NCALD: variants seen among roughly 807,000 people sequenced by gnomAD.
The protein encoded by NCALD is neurocalcin delta.
In NCALD, 10 loss-of-function variants were observed where a neutral mutation model predicts 18.6. That is an observed-to-expected ratio of 0.54 (90% CI 0.33 to 0.91). NCALD has a LOEUF of 0.91. Ranked by LOEUF, NCALD falls within the 40% of genes least tolerant of loss-of-function variation. The pLI is 0.03. For missense variants in NCALD, 184 were observed against 247.6 expected, an observed-to-expected ratio of 0.74 and a Z score of 1.72; for synonymous variants, 88 against 87.4, an observed-to-expected ratio of 1.01 and a Z score of -0.04.
chr8:101,805,297 C>T (rs1223595420), intron 4 of NCALD, among the ~76,000 whole-genome samples: 2 of 152,148 alleles, frequency 1.3e-5, no homozygotes, highest in Admixed American at 6.5e-5. Context: ...GTCTGGCCTC[C>T]TTTTCCCATT....
At chr8:101,932,031 G>T (rs1293550783) in intron 2 of NCALD, among the ~76,000 whole-genome samples, 1 of 152,150 alleles carries the variant, frequency 6.6e-6, no homozygotes, top group African/African-American at 2.4e-5. Context: ...TTAGAGAAGG[G>T]ATTCTTCTGT....
At chr8:102,108,386 G>T (rs1825540423) in intron 1 of NCALD, among the ~76,000 whole-genome samples, 1 of 152,154 alleles carries the variant, frequency 6.6e-6, no homozygotes, top group Non-Finnish European at 1.5e-5. Context: ...TAGAAACAGA[G>T]GACACTGACA....
At chr8:102,100,052 T>C (rs1825227990) in intron 1 of NCALD, among the ~76,000 whole-genome samples, 1 of 150,872 alleles carries the variant, frequency 6.6e-6, no homozygotes, top group South Asian at 2.1e-4. Context: ...AAAAACTTTG[T>C]TTTGTCCTTT....
intron 1 of NCALD, among the ~76,000 whole-genome samples, chr8:102,078,057 C>T (rs1170619027): frequency 6.6e-6 from 1 of 152,152 alleles, no homozygotes; most frequent in African/African-American, 2.4e-5. Flanking sequence ...GTGTCCAAAA[C>T]ATGAATTTAT....
Position 102,062,969 on chromosome 8 carries a change from A to C in NCALD, c.-209-42680T>G, listed in dbSNP as rs181088959. Among the ~76,000 whole-genome samples the C allele has an allele frequency of 2.4e-3, 357 of 151,870 alleles. 1 individual carries two copies. Among genetic ancestry groups the C allele is most frequent in the Non-Finnish European group, 3.3e-3 (227 of 67,914 alleles). On this transcript the variant is annotated intron_variant, in intron 1 of 6. Transcript: ENST00000311028. ...TGAATAAGGTACTTTCCTTTTAAAG[A>C]AAAAAAAATCCTCAAGGACCTCCAG...
At chr8:101,805,910 T>C (rs1813084053) in intron 4 of NCALD, among the ~76,000 whole-genome samples, 1 of 152,206 alleles carries the variant, frequency 6.6e-6, no homozygotes, top group Admixed American at 6.5e-5. Context: ...TGGATCAGAC[T>C]TAAATAATTT....
chr8:101,818,269 T>C (rs1486839335), intron 4 of NCALD, among the ~76,000 whole-genome samples: 1 of 152,186 alleles, frequency 6.6e-6, no homozygotes, highest in Non-Finnish European at 1.5e-5. Context: ...GTTACAGTAA[T>C]AATATTTAGG....
intron 2 of NCALD, among the ~76,000 whole-genome samples, chr8:101,715,147 C>G (rs1816015363): frequency 6.6e-6 from 1 of 152,092 alleles, no homozygotes; most frequent in Admixed American, 6.5e-5. Flanking sequence ...ACCAATGGAA[C>G]AGAACAGAGG....
At chr8:101,963,776 A>G (rs718262) in intron 2 of NCALD, among the ~76,000 whole-genome samples, 80,314 of 151,912 alleles carry the variant, frequency 0.53, 21,402 homozygotes, top group South Asian at 0.6. Flanking sequence ...CATCACAAAC[A>G]CAGCCTATCA....
In NCALD at chr8:102,054,662, ATAGATAGATAG is replaced by A. The variant is rs1563578065; in HGVS notation, c.-209-34384_-209-34374del. ...GATATGTCTCTCTCTTTCTCTTCCG[ATAGATAGATAG>A]ATAGATAGATAGATAGATAGATAGA... On this transcript the variant is annotated intron_variant, in intron 1 of 6. Coordinates refer to the NCALD transcript ENST00000311028. 6.9e-3 allele frequency among the ~76,000 whole-genome samples: 263 copies of A among 38,304 alleles called. 2 individuals carry two copies. The highest frequency in any genetic ancestry group is 0.024 in the East Asian group (51 of 2,166). The allele number at this position is 38,304 out of a possible 152,430, so 25.1% of individuals were successfully genotyped here.
intron 3 of NCALD, among the ~76,000 whole-genome samples, chr8:101,889,622 G>A (rs1816799874): frequency 6.6e-6 from 1 of 152,178 alleles, no homozygotes; most frequent in South Asian, 2.1e-4. Context: ...TTAACATGTA[G>A]CACTCAAACA....
chr8:102,065,200 G>C (rs774138778), intron 1 of NCALD, among the ~76,000 whole-genome samples: 6 of 151,794 alleles, frequency 4.0e-5, no homozygotes, highest in Non-Finnish European at 5.9e-5. Flanking sequence ...AACAGATTTC[G>C]ATCTGCTAAT....
intron 1 of NCALD, among the ~76,000 whole-genome samples, chr8:101,722,001 C>G (rs1816380235): frequency 6.6e-6 from 1 of 152,108 alleles, no homozygotes; most frequent in Admixed American, 6.6e-5. Context: ...ACCACCATGC[C>G]TGGCTAAATT....
intron 1 of NCALD, among the ~76,000 whole-genome samples, chr8:102,041,381 C>T (rs1823043751): frequency 6.6e-6 from 1 of 152,242 alleles, no homozygotes; most frequent in African/African-American, 2.4e-5. Context: ...TACCTTAATT[C>T]ACACTGGAAG....
chr8:102,081,580 C>CCCA (rs765058767), intron 1 of NCALD, among the ~76,000 whole-genome samples: 28 of 123,570 alleles, frequency 2.3e-4, no homozygotes, highest in Admixed American at 6.3e-4. Flanking sequence ...AAAAAAACCC[C>CCCA]AAAAAAAACT....
At chr8:101,739,384 T>C (rs976717796) in intron 1 of NCALD, among the ~76,000 whole-genome samples, 1 of 152,234 alleles carries the variant, frequency 6.6e-6, no homozygotes, top group African/African-American at 2.4e-5. Context: ...AGTGTCTATC[T>C]TTCCCTGTGT....
chr8:102,017,061 C>A (rs1397822231), intron 2 of NCALD, among the ~76,000 whole-genome samples: 1 of 151,830 alleles, frequency 6.6e-6, no homozygotes, highest in African/African-American at 2.4e-5. Context: ...AAATTTTATC[C>A]AAATTGAAAT....
chr8:101,719,529 A>T lies in NCALD; in HGVS notation c.101T>A (p.Phe34Tyr). ...EHEIQEWYKGFLRDCPSGHLS... is the reference protein window; with the variant it reads ...EHEIQEWYKGYLRDCPSGHLS... Reference sequence around the variant, plus strand: ...ATGTCCACTGGGGCAGTCTCTCAAGAAGCCTTTATACCATTCCTGGATCTC... The same window carrying T: ...ATGTCCACTGGGGCAGTCTCTCAAGTAGCCTTTATACCATTCCTGGATCTC... Residue 34 changes from phenylalanine (F) to tyrosine (Y), a missense_variant, in exon 2 of 4, where the codon TTC becomes TAC. Coordinates refer to ENST00000220931, the MANE Select transcript of NCALD (RefSeq NM_032041.3). 1.2e-6 allele frequency: 2 copies of T among 1,614,208 alleles called. No individual in the cohort carries two copies. Among genetic ancestry groups the T allele is most frequent in the Non-Finnish European group, 1.7e-6 (2 of 1,180,036 alleles).
chr8:101,732,590 C>CTTTTTTTTTTTTTTT (rs576286368), intron 1 of NCALD, among the ~76,000 whole-genome samples: 1 of 53,676 alleles, frequency 1.9e-5, no homozygotes, highest in Non-Finnish European at 3.4e-5. Flanking sequence ...TTTTTCTTTG[C>CTTTTTTTTTTTTTTT]TTTTTTTTTT....
Sources: allele counts gnomAD v4.1 joint callset (sites outside exome capture counted in the v4.1 genomes callset), GRCh38; gene constraint gnomAD v4.1.1; transcripts MANE v1.5; gene names NCBI Gene and HGNC (gene_info 2026-07-23, HGNC 2026-07-21).